GAB1: variants seen among roughly 807,000 people sequenced by gnomAD.
GAB1 encodes GRB2 associated binding protein 1.
Under a neutral mutation model 66.5 loss-of-function variants are expected in GAB1, and 19 were observed. The observed-to-expected ratio is 0.29, with a 90% CI of 0.20 to 0.42. The LOEUF is 0.42. Among genes scored for constraint, GAB1 ranks in the 10% least tolerant of loss-of-function variants. The pLI, the probability that GAB1 is intolerant of heterozygous loss-of-function variation, is 1.00. For missense variants in GAB1, 732 were observed against 858.5 expected, an observed-to-expected ratio of 0.85 and a Z score of 1.84; for synonymous variants, 294 against 301.4, an observed-to-expected ratio of 0.98 and a Z score of 0.25.
At chr4:143,395,886 C>T (rs2048408) in intron 1 of GAB1, 176,266 of 454,428 alleles carry the variant, frequency 0.39, 35,311 homozygotes, top group South Asian at 0.52. Flanking sequence ...ATTGATGGAC[C>T]GCCCCCCGCC....
chr4:143,468,978 C>T, intron 9 of GAB1, 53 bp from the exon 10 acceptor site: 1 of 1,578,822 alleles, frequency 6.3e-7, no homozygotes, highest in South Asian at 1.1e-5. Context: ...CTGAGTTGTA[C>T]TCAGGAACAC....
At chr4:143,408,216 G>A (rs1732169498) in intron 1 of GAB1, among the ~76,000 whole-genome samples, 1 of 152,112 alleles carries the variant, frequency 6.6e-6, no homozygotes, top group Admixed American at 6.6e-5. Context: ...TAATAAAATA[G>A]CATTTCCATA....
chr4:143,356,594 G>T (rs1461799575), intron 1 of GAB1, among the ~76,000 whole-genome samples: 1 of 152,102 alleles, frequency 6.6e-6, no homozygotes, highest in African/African-American at 2.4e-5. Context: ...TTTTAAATTG[G>T]CAGTTGCTCA....
chr4:143,396,079 A>T (rs1375605713), intron 1 of GAB1: 1 of 437,862 alleles, frequency 2.3e-6, no homozygotes, highest in Non-Finnish European at 4.6e-6. Context: ...AAAGTTGAAG[A>T]TCTGATAAAG....
intron 1 of GAB1, among the ~76,000 whole-genome samples, chr4:143,401,493 GT>G (rs987641121): frequency 6.6e-6 from 1 of 152,162 alleles, no homozygotes; most frequent in African/African-American, 2.4e-5. Flanking sequence ...ATGCTACAAT[GT>G]TTTGGGGATG....
intron 6 of GAB1, among the ~76,000 whole-genome samples, chr4:143,447,600 G>T (rs1347010620): frequency 6.6e-6 from 1 of 151,340 alleles, no homozygotes; most frequent in South Asian, 2.1e-4. Context: ...TCTGTTATTG[G>T]TGTATAAGAA....
intron 9 of GAB1, 90 bp from the exon 10 acceptor site, chr4:143,468,941 A>G (rs1163099929): frequency 6.7e-6 from 9 of 1,350,650 alleles, no homozygotes; most frequent in Non-Finnish European, 9.1e-6. Context: ...AAAAGTATTC[A>G]CAGTGGATGT....
chr4:143,460,638 G>T (rs558429468), intron 8 of GAB1, 151 bp downstream of exon 8: 2 of 679,536 alleles, frequency 2.9e-6, no homozygotes, highest in African/African-American at 1.8e-5. Flanking sequence ...TAAAAATAAT[G>T]TCATAAACTC....
rs1489330876 is a variant in GAB1, at chr4:143,459,428, A to G, written c.1629A>G (p.Glu543=). ...AAATAAAACCTTTGCCAGAATGGGA[A>G]GAATTACAAGCCCCAGTTAGATCTC... is the stretch of plus-strand genomic sequence containing the variant. ...PLEIKPLPEW[E]ELQAPVRSPI... is the part of the protein sequence containing the mutation. Residue 543 remains glutamate, a synonymous_variant, in exon 7 of 10, where the codon GAA becomes GAG. Coordinates refer to ENST00000262994, the MANE Select transcript of GAB1 (RefSeq NM_002039.4). 1.2e-6 allele frequency: 2 copies of G among 1,611,076 alleles called. No homozygotes were observed. The highest frequency in any genetic ancestry group is 2.2e-5 in the East Asian group (1 of 44,812).
chr4:143,400,911 G>A (rs895535827), intron 1 of GAB1, among the ~76,000 whole-genome samples: 2 of 150,896 alleles, frequency 1.3e-5, no homozygotes, highest in African/African-American at 4.9e-5. Context: ...AGAGGTTGCA[G>A]TGAGCTGAGA....
chr4:143,379,447 C>T (rs572083170), intron 1 of GAB1, among the ~76,000 whole-genome samples: 4 of 152,214 alleles, frequency 2.6e-5, no homozygotes, highest in Admixed American at 6.5e-5. Context: ...TCTCCAGGTA[C>T]GGTTAGCAGT....
intron 1 of GAB1, among the ~76,000 whole-genome samples, chr4:143,390,746 T>C (rs1222394483): frequency 6.6e-6 from 1 of 152,142 alleles, no homozygotes; most frequent in African/African-American, 2.4e-5. Context: ...TATAAAAGGG[T>C]AAGCATTCCA....
intron 1 of GAB1, among the ~76,000 whole-genome samples, chr4:143,347,189 C>T (rs1729016518): frequency 6.6e-6 from 1 of 152,190 alleles, no homozygotes; most frequent in African/African-American, 2.4e-5. Flanking sequence ...CTCAAATATA[C>T]AGTATGGTGC....
intron 6 of GAB1, among the ~76,000 whole-genome samples, chr4:143,443,789 T>G (rs1734364369): frequency 6.6e-6 from 1 of 152,216 alleles, no homozygotes; most frequent in South Asian, 2.1e-4. Context: ...ATTCTAGTCT[T>G]GTTTATAGCC....
rs1281185469 is a variant in GAB1 at position 143,421,607 on chromosome 4, TGTG to T, written c.367+5840_367+5842del. Among the ~76,000 whole-genome samples the T allele has an allele frequency of 3.3e-5, 5 of 152,184 alleles. No individual in the cohort carries two copies. The East Asian group carries it at 9.6e-4, about 29-fold the overall frequency. On this transcript the variant is annotated intron_variant, in intron 2 of 9. Transcript: ENST00000262994. ...ATTCTATTGGGTGTTAGTGGTATCT[TGTG>T]GTGTTAATTTGCATTTTCCTGAGAA...
At chr4:143,370,232 A>G (rs1042336751) in intron 1 of GAB1, among the ~76,000 whole-genome samples, 1 of 152,234 alleles carries the variant, frequency 6.6e-6, no homozygotes. Context: ...AGGAAATGTT[A>G]TCAAACCACT....
intron 1 of GAB1, among the ~76,000 whole-genome samples, chr4:143,406,495 T>C (rs139608051): frequency 7.2e-4 from 110 of 152,368 alleles, no homozygotes; most frequent in African/African-American, 2.3e-3. Flanking sequence ...TTCCAAATCT[T>C]TAGCTGGCCA....
In GAB1 at chr4:143,469,011, G is replaced by A. The variant is rs976998323; in HGVS notation, c.1927-20G>A. On this transcript the variant is annotated intron_variant, in intron 9 of 9. Coordinates refer to ENST00000262994, the MANE Select transcript of GAB1 (RefSeq NM_002039.4). ...CACTCCTTTATATGTTGGACTTTTT[G>A]TTTTTTCTTTGTGTTTTAGCAAAAG... is the stretch of plus-strand genomic sequence containing the variant. The A allele has an allele frequency of 3.1e-6, 5 of 1,611,158 alleles. No homozygotes were observed. In the African/African-American group the frequency reaches 5.4e-5, roughly 17 times the overall value.
At chr4:143,371,819 T>G (rs1276660977) in intron 1 of GAB1, among the ~76,000 whole-genome samples, 1 of 151,968 alleles carries the variant, frequency 6.6e-6, no homozygotes, top group Non-Finnish European at 1.5e-5. Context: ...CCTTTCCCGA[T>G]TTCTTGTTTT....
Sources: allele counts gnomAD v4.1 joint callset (sites outside exome capture counted in the v4.1 genomes callset), GRCh38; gene constraint gnomAD v4.1.1; transcripts MANE v1.5; gene names NCBI Gene and HGNC (gene_info 2026-07-23, HGNC 2026-07-21).